The following STON2 variants were observed in gnomAD, a reference collection of about 807,000 sequenced individuals.
STON2 encodes stonin 2.
STON2 carries 29 observed loss-of-function variants against 65.7 expected under a neutral mutation model. That is an observed-to-expected ratio of 0.44 (90% CI 0.33 to 0.60). STON2 has a LOEUF of 0.60. STON2 is among the 20% of genes least tolerant of loss of function. The pLI, the probability that STON2 is intolerant of heterozygous loss-of-function variation, is 0.03. For synonymous variants in STON2, 404 were observed against 414.2 expected, an observed-to-expected ratio of 0.98 and a Z score of 0.30; for missense variants, 1,054 against 1,118.1, an observed-to-expected ratio of 0.94 and a Z score of 0.82.
rs375534846 is a variant in STON2, at chr14:81,273,801, C to G, written c.2582-2929G>C. Among the ~76,000 whole-genome samples the G allele has an allele frequency of 1.2e-4, 19 of 152,260 alleles. No homozygotes were observed. In the East Asian group the frequency reaches 3.7e-3, roughly 29 times the overall value. On this transcript the variant is annotated intron_variant, in intron 6 of 7. Transcript: ENST00000614646. ...GCTGCCTGGGGTTTGACTGCCCTGC[C>G]CACTGGGGCCTGGAAATGCAGGGCC... is the stretch of plus-strand genomic sequence containing the variant.
At chr14:81,347,716 T>C (rs1384431224) in intron 4 of STON2, among the ~76,000 whole-genome samples, 2 of 123,084 alleles carry the variant, frequency 1.6e-5, no homozygotes, top group African/African-American at 3.1e-5. Context: ...CCAAAAACAC[T>C]AAAAATGTGA....
intron 4 of STON2, among the ~76,000 whole-genome samples, chr14:81,340,110 C>T (rs185803969): frequency 3.9e-4 from 59 of 152,256 alleles, no homozygotes; most frequent in East Asian, 1.4e-3. Context: ...GCCCAGATCG[C>T]GCCACCGCAC....
chr14:81,261,782 TCA>T lies in STON2; in HGVS notation c.*6630_*6631del. The T allele has an allele frequency of 2.6e-6, 4 of 1,517,764 alleles. No homozygotes were observed. The highest frequency in any genetic ancestry group is 3.5e-6 in the Non-Finnish European group (4 of 1,141,666). 94.0% of individuals were successfully genotyped at this position (1,517,764 alleles called of 1,614,324 possible). A position where few individuals can be genotyped will look rare whatever the true frequency, so the allele number is the denominator to read the frequency against. ...GAGACCTGTCTGTGCCTCTTCATGC[TCA>T]CACCATTGTTCTGATAGATGATGCC... On this transcript the variant is annotated 3_prime_UTR_variant, in exon 8 of 8. Transcript: ENST00000614646.
chr14:81,415,549 A>G (rs1428507775), intron 2 of STON2, among the ~76,000 whole-genome samples: 1 of 151,512 alleles, frequency 6.6e-6, no homozygotes, highest in Non-Finnish European at 1.5e-5. Context: ...GCACACCTGT[A>G]GTCCCAGCTA....
chr14:81,283,377 T>C (rs1895200412), intron 5 of STON2, among the ~76,000 whole-genome samples: 1 of 152,176 alleles, frequency 6.6e-6, no homozygotes, highest in Non-Finnish European at 1.5e-5. Context: ...AAAAAAACCA[T>C]ATTGACAAAT....
chr14:81,426,626 C>G (rs377207176), intron 2 of STON2, among the ~76,000 whole-genome samples: 37 of 152,282 alleles, frequency 2.4e-4, no homozygotes, highest in African/African-American at 4.1e-4. Flanking sequence ...CGGCAAGAAC[C>G]CTTCCCATCC....
chr14:81,384,684 A>T (rs975278724), intron 3 of STON2, among the ~76,000 whole-genome samples: 1 of 152,232 alleles, frequency 6.6e-6, no homozygotes, highest in Non-Finnish European at 1.5e-5. Context: ...TAAAGCGGGA[A>T]ATCAAAATAA....
intron 4 of STON2, among the ~76,000 whole-genome samples, chr14:81,361,133 G>C (rs7146788): frequency 0.37 from 56,169 of 151,798 alleles, 10,643 homozygotes; most frequent in South Asian, 0.51. Flanking sequence ...CATTAAAATA[G>C]AAAACAATCC....
intron 4 of STON2, among the ~76,000 whole-genome samples, chr14:81,365,707 G>C (rs142184319): frequency 0.013 from 1,925 of 152,180 alleles, 50 homozygotes; most frequent in African/African-American, 0.044. Flanking sequence ...AGTGAGCCGA[G>C]ACCATGCCAC....
intron 3 of STON2, among the ~76,000 whole-genome samples, chr14:81,384,636 T>A (rs1042662703): frequency 1.3e-5 from 2 of 152,226 alleles, no homozygotes; most frequent in Admixed American, 1.3e-4. Flanking sequence ...AGTATTTGGC[T>A]GTATCCACAG....
intron 3 of STON2, among the ~76,000 whole-genome samples, chr14:81,375,006 G>A (rs1210858290): frequency 1.3e-5 from 2 of 152,124 alleles, no homozygotes; most frequent in Non-Finnish European, 2.9e-5. Flanking sequence ...ACCTTCAAAC[G>A]AAGAATGTTT....
chr14:81,393,194 T>C (rs1900159058), intron 3 of STON2, among the ~76,000 whole-genome samples: 1 of 152,200 alleles, frequency 6.6e-6, no homozygotes, highest in South Asian at 2.1e-4. Flanking sequence ...GTTGAGCAAA[T>C]TGACTGTCAT....
chr14:81,359,201 A>C (rs915291976), intron 4 of STON2, among the ~76,000 whole-genome samples: 1 of 152,258 alleles, frequency 6.6e-6, no homozygotes, highest in Admixed American at 6.5e-5. Context: ...TTTTCTGACC[A>C]CAGTGTAAAC....
intron 4 of STON2, among the ~76,000 whole-genome samples, chr14:81,333,698 A>T (rs1042640639): frequency 6.6e-6 from 1 of 152,184 alleles, no homozygotes; most frequent in Admixed American, 6.5e-5. Flanking sequence ...TTCACTTGGG[A>T]TACTGGCAAG....
At chr14:81,419,856 A>G (rs1373020120) in intron 2 of STON2, among the ~76,000 whole-genome samples, 6 of 152,022 alleles carry the variant, frequency 3.9e-5, no homozygotes, top group African/African-American at 1.4e-4. Context: ...TAGGGAAAGC[A>G]AACATAAGAC....
Position 81,268,283 on chromosome 14 carries a change from C to A in STON2, c.*131G>T, listed in dbSNP as rs1330357527. ...ACTGCAAACAGGAAGATCTGGTATA[C>A]TGTTCCCAACATGCAGTGGCCACAG... On this transcript the variant is annotated 3_prime_UTR_variant, in exon 8 of 8. Transcript: ENST00000614646. The A allele has an allele frequency of 8.3e-7, 1 of 1,205,902 alleles. No individual in the cohort carries two copies. The highest frequency in any genetic ancestry group is 3.4e-5 in the Admixed American group (1 of 29,308). 74.7% of individuals were successfully genotyped at this position (1,205,902 alleles called of 1,614,324 possible). A position where few individuals can be genotyped will look rare whatever the true frequency, so the allele number is the denominator to read the frequency against.
intron 5 of STON2, among the ~76,000 whole-genome samples, chr14:81,299,572 GT>G (rs1295979451): frequency 6.6e-6 from 1 of 152,174 alleles, no homozygotes; most frequent in Non-Finnish European, 1.5e-5. Context: ...GCTGTTTTCA[GT>G]TTTTCCTTTA....
intron 2 of STON2, chr14:81,413,304 A>T (rs1901261505): frequency 1.5e-6 from 2 of 1,313,236 alleles, no homozygotes; most frequent in Non-Finnish European, 2.0e-6. Context: ...TAAATTCCAA[A>T]TACCAGAGAC....
chr14:81,301,115 C>T (rs1895952479), intron 5 of STON2, among the ~76,000 whole-genome samples: 1 of 152,046 alleles, frequency 6.6e-6, no homozygotes, highest in Non-Finnish European at 1.5e-5. Context: ...TTCATTTAAT[C>T]TCACACCAAC....
Sources: allele counts gnomAD v4.1 joint callset (sites outside exome capture counted in the v4.1 genomes callset), GRCh38; gene constraint gnomAD v4.1.1; transcripts MANE v1.5; gene names NCBI Gene and HGNC (gene_info 2026-07-23, HGNC 2026-07-21).